Variants in KTN1 observed in about 807,000 individuals in gnomAD.
KTN1 encodes kinectin 1.
In KTN1, 130 loss-of-function variants were observed where a neutral mutation model predicts 222.5. The observed-to-expected ratio is 0.58, with a 90% CI of 0.51 to 0.68. KTN1 has a LOEUF of 0.68. KTN1 is among the 30% of genes least tolerant of loss of function. KTN1 has a pLI of 0.00. For missense variants in KTN1, 1,508 were observed against 1,500.4 expected (o/e 1.01, Z -0.08); for synonymous variants, 512 against 496.3 (o/e 1.03, Z -0.42).
At chr14:55,627,585 C>G (rs2039996184) in intron 5 of KTN1, among the ~76,000 whole-genome samples, 1 of 152,106 alleles carries the variant, frequency 6.6e-6, no homozygotes, top group East Asian at 1.9e-4. Context: ...AGGTATTTCT[C>G]CTAATGCTAT....
At chr14:55,679,453 C>A in intron 42 of KTN1, 112 bp from the exon 43 acceptor site, 1 of 860,134 alleles carries the variant, frequency 1.2e-6, no homozygotes, top group Non-Finnish European at 1.8e-6. Context: ...TGTCATTGTT[C>A]AGATTTTTTA....
chr14:55,670,159 A>G (rs1426482531), intron 34 of KTN1, among the ~76,000 whole-genome samples: 1 of 152,056 alleles, frequency 6.6e-6, no homozygotes, highest in Non-Finnish European at 1.5e-5. Flanking sequence ...TATGCATATC[A>G]CTTCTCATTA....
chr14:55,647,145 G>T, intron 19 of KTN1, 138 bp downstream of exon 19: 1 of 615,928 alleles, frequency 1.6e-6, no homozygotes, highest in South Asian at 2.0e-5. Context: ...TTACATTACC[G>T]TTTGTGGGTT....
intron 21 of KTN1, 44 bp from the exon 22 acceptor site, chr14:55,649,732 C>G (rs780063831): frequency 2.6e-6 from 3 of 1,165,480 alleles, no homozygotes; most frequent in African/African-American, 3.2e-5. Context: ...TGACCCATTT[C>G]TATTTTGAAC....
At chr14:55,637,868 C>G (rs769885660) in intron 12 of KTN1, 21 bp downstream of exon 12, 1 of 1,579,984 alleles carries the variant, frequency 6.3e-7, no homozygotes, top group Non-Finnish European at 8.7e-7. Flanking sequence ...TTTCTTATTG[C>G]TTATGATTAA....
chr14:55,588,489 A>T (rs2033482287), intron 1 of KTN1, among the ~76,000 whole-genome samples: 1 of 152,212 alleles, frequency 6.6e-6, no homozygotes, highest in South Asian at 2.1e-4. Flanking sequence ...GCTAAAAATG[A>T]TGAAAAATAT....
Position 55,679,614 on chromosome 14 carries a change from C to T in KTN1, c.3998C>T (p.Thr1333Ile). 6.2e-7 allele frequency: 1 copy of T among 1,612,004 alleles called. No homozygotes were observed. The highest frequency in any genetic ancestry group is 8.5e-7 in the Non-Finnish European group (1 of 1,178,076). ...TCTGTAAGTCTAAATCAGACTGTAA[C>T]ACAGTTACAGCAGTTGCTTCAGGCG... is the stretch of plus-strand genomic sequence containing the variant. The part of the protein sequence containing the change: ...TMSVSLNQTV[T>I]QLQQLLQAVN... Residue 1333 changes from threonine to isoleucine, a missense_variant, in exon 43 of 44, where the codon ACA (threonine) becomes ATA (isoleucine). Physicochemically the swap from Thr to Ile is moderately conservative, Grantham distance 89. Coordinates refer to ENST00000395314, the MANE Select transcript of KTN1 (RefSeq NM_001079521.2).
intron 6 of KTN1, among the ~76,000 whole-genome samples, chr14:55,628,721 TAAA>T (rs1171005362): frequency 6.6e-6 from 1 of 152,046 alleles, no homozygotes. Flanking sequence ...TTGAAGTAAA[TAAA>T]AAAAGTCAAT....
chr14:55,609,503 G>A (rs1052654356), intron 1 of KTN1, among the ~76,000 whole-genome samples: 3 of 152,096 alleles, frequency 2.0e-5, no homozygotes, highest in Non-Finnish European at 2.9e-5. Context: ...ATTCCTTCAC[G>A]CCTATATATG....
At chr14:55,659,049 T>TA (rs137989932) in intron 30 of KTN1, among the ~76,000 whole-genome samples, 15,342 of 152,142 alleles carry the variant, frequency 0.1, 839 homozygotes, top group African/African-American at 0.14. Flanking sequence ...TTCTGCTTGG[T>TA]AAATCAAAAG....
chr14:55,639,349 G>T, intron 13 of KTN1, 127 bp downstream of exon 13: 1 of 524,078 alleles, frequency 1.9e-6, no homozygotes, highest in African/African-American at 2.0e-5. Context: ...AACTAGATTT[G>T]GAGCAACTTT....
intron 18 of KTN1, among the ~76,000 whole-genome samples, chr14:55,644,936 ATACT>A (rs1183680561): frequency 2.6e-5 from 4 of 152,284 alleles, no homozygotes; most frequent in African/African-American, 9.6e-5. Context: ...AATTCATCAA[ATACT>A]TATTTACTAG....
In KTN1 at chr14:55,637,343, G is replaced by C; in HGVS notation, c.1695G>C (p.Glu565Asp). 3 of 1,578,680 alleles carry C rather than the reference G, an allele frequency of 1.9e-6. No homozygotes were observed. The highest frequency in any genetic ancestry group is 2.6e-6 in the Non-Finnish European group (3 of 1,164,748). The change falls in exon 11 of 44, where the codon GAG (glutamate) becomes GAC (aspartate). Residue 565 changes from glutamate (E) to aspartate (D), a missense_variant. Transcript: ENST00000395314. ...AGCAGAAAAGGGTGAACAAAGAAGA[G>C]TCTCTACAAATGCAGGTTCAGGTAT... Reference protein sequence around the residue: ...ESEQKRVNKEESLQMQVQDIL... With the variant: ...ESEQKRVNKEDSLQMQVQDIL...
chr14:55,630,428 G>GTA (rs1363733504), intron 7 of KTN1, among the ~76,000 whole-genome samples: 1 of 152,204 alleles, frequency 6.6e-6, no homozygotes, highest in Non-Finnish European at 1.5e-5. Context: ...GCATTATCAA[G>GTA]TAAGAGAGTA....
At chr14:55,632,729 A>G (rs1258350898) in intron 7 of KTN1, among the ~76,000 whole-genome samples, 3 of 152,190 alleles carry the variant, frequency 2.0e-5, no homozygotes, top group African/African-American at 7.2e-5. Flanking sequence ...CTTGGAAAAA[A>G]AATTAAGAGG....
At chr14:55,679,884 G>T in intron 43 of KTN1, 199 bp downstream of exon 43, 1 of 562,864 alleles carries the variant, frequency 1.8e-6, no homozygotes, top group East Asian at 3.2e-5. Context: ...AGCTTGGAGG[G>T]GTTATCTGTG....
At chr14:55,619,161 G>C in intron 4 of KTN1, 21 bp from the exon 5 acceptor site, 1 of 1,582,820 alleles carries the variant, frequency 6.3e-7, no homozygotes, top group Non-Finnish European at 8.6e-7. Flanking sequence ...CTCTTTGTTT[G>C]TTTGTTTTTT....
intron 2 of KTN1, among the ~76,000 whole-genome samples, chr14:55,616,239 T>G (rs1445112332): frequency 2.0e-5 from 3 of 152,094 alleles, no homozygotes; most frequent in Non-Finnish European, 4.4e-5. Context: ...TGTGAGCAGC[T>G]GCACCTTGCT....
intron 4 of KTN1, 29 bp from the exon 5 acceptor site, chr14:55,619,153 C>G (rs1555366403): frequency 1.3e-6 from 2 of 1,573,912 alleles, no homozygotes; most frequent in Non-Finnish European, 8.7e-7. Context: ...AATGCCAACT[C>G]TTTGTTTGTT....
Sources: gnomAD v4.1 joint callset for allele counts (sites outside exome capture counted in the v4.1 genomes callset) on GRCh38, gnomAD v4.1.1 for gene constraint, MANE v1.5 for transcripts, NCBI Gene and HGNC (gene_info 2026-07-23, HGNC 2026-07-21) for gene names.